Variants in FBN1 observed in about 807,000 individuals in gnomAD.
FBN1 encodes fibrillin 1.
FBN1 carries 29 observed loss-of-function variants against 365.1 expected under a neutral mutation model. The observed-to-expected ratio is 0.08, with a 90% CI of 0.06 to 0.11. The LOEUF is 0.11. FBN1 is among the 10% of genes least tolerant of loss of function. FBN1 has a pLI of 1.00. For missense variants in FBN1, 2,476 were observed against 3,703.2 expected, an observed-to-expected ratio of 0.67 and a Z score of 8.60; for synonymous variants, 1,210 against 1,270.5, an observed-to-expected ratio of 0.95 and a Z score of 1.01.
At position 48,510,124 on chromosome 15, in the gene FBN1, C is replaced by T. The variant is rs193922179; in HGVS notation, c.1634G>A (p.Arg545His). ...LQNGRICNNG[R>H]CINTDGSFHC... ...AAAACTGCCATCTGTGTTGATGCAG[C>T]GTCCATTATTGCAGATCCGGCCATT... Residue 545 changes from arginine (R) to histidine (H), a missense_variant, in exon 14 of 66, where the codon CGC becomes CAC. Transcript: ENST00000316623. 4 of 1,613,066 alleles carry T rather than the reference C, an allele frequency of 2.5e-6. No individual in the cohort carries two copies. The highest frequency in any genetic ancestry group is 1.3e-5 in the African/African-American group (1 of 74,816).
chr15:48,455,423 C>G (rs1389099267), intron 44 of FBN1, among the ~76,000 whole-genome samples: 1 of 152,174 alleles, frequency 6.6e-6, no homozygotes, highest in African/African-American at 2.4e-5. Flanking sequence ...ATCATCAAAG[C>G]CATCTCTGAG....
rs886051243 is a variant in FBN1, at chr15:48,410,736, G to A, written c.*254C>T. On this transcript the variant is annotated 3_prime_UTR_variant, in exon 66 of 66. Transcript: ENST00000316623. ...TGGCCAACCCCCAATGGAAATACAC[G>A]TCCCAGTTTTCAAGAATCAACACAT... is the stretch of plus-strand genomic sequence containing the variant. 27 of 464,186 alleles carry A rather than the reference G, an allele frequency of 5.8e-5. No homozygotes were observed. The highest frequency in any genetic ancestry group is 8.8e-5 in the Non-Finnish European group (23 of 262,202). 28.8% of individuals were successfully genotyped at this position (464,186 alleles called of 1,614,324 possible).
intron 20 of FBN1, 106 bp downstream of exon 20, chr15:48,495,994 G>A: frequency 7.1e-7 from 1 of 1,412,146 alleles, no homozygotes; most frequent in Non-Finnish European, 1.0e-6. Context: ...AACTAAACTG[G>A]CATAACTGTC....
chr15:48,521,175 CTGGGTTGT>C (rs1480802215), intron 9 of FBN1, among the ~76,000 whole-genome samples: 9 of 152,230 alleles, frequency 5.9e-5, no homozygotes, highest in Non-Finnish European at 1.0e-4. Flanking sequence ...TGAAGAGAGA[CTGGGTTGT>C]CCCTGGTTTC....
At chr15:48,438,074 G>A (rs1210198359) in intron 50 of FBN1, among the ~76,000 whole-genome samples, 157 bp from the exon 51 acceptor site, 2 of 152,142 alleles carry the variant, frequency 1.3e-5, no homozygotes, top group East Asian at 3.8e-4. Context: ...AGCTGAGATT[G>A]TTAAAGTCAT....
chr15:48,570,582 C>T (rs1194948408), intron 6 of FBN1, among the ~76,000 whole-genome samples: 1 of 152,102 alleles, frequency 6.6e-6, no homozygotes, highest in East Asian at 1.9e-4. Context: ...CCCTATCTAA[C>T]ATTTCTTAAA....
rs2043913235 is a variant in FBN1 at position 48,526,229 on chromosome 15, C to T, written c.889G>A (p.Gly297Arg). The T allele has an allele frequency of 6.2e-7, 1 of 1,614,010 alleles. No individual in the cohort carries two copies. The highest frequency in any genetic ancestry group is 8.5e-7 in the Non-Finnish European group (1 of 1,179,974). The part of the protein sequence containing the change: ...EDIDECSTIP[G>R]ICEGGECTNT... ...GTACATTCACCCCCTTCACAGATTC[C>T]AGGAATGGTGCTGCATTCATCAATA... Residue 297 changes from glycine (G) to arginine (R), a missense_variant, in exon 9 of 66, where the codon GGA becomes AGA. Physicochemically the swap from Gly to Arg is moderately radical, Grantham distance 125 (BLOSUM62 -2). Around this residue, in one of 5 missense-constraint regions of FBN1, gnomAD observed 421 missense variants for 520.1 expected, o/e 0.81. Coordinates refer to ENST00000316623, the MANE Select transcript of FBN1 (RefSeq NM_000138.5).
intron 6 of FBN1, among the ~76,000 whole-genome samples, chr15:48,549,149 A>G (rs1858833318): frequency 6.6e-6 from 1 of 152,220 alleles, no homozygotes; most frequent in Non-Finnish European, 1.5e-5. Context: ...GGGCATTCAG[A>G]TTTCTCTAGT....
At chr15:48,459,836 G>T (rs1001621856) in intron 43 of FBN1, among the ~76,000 whole-genome samples, 2 of 151,694 alleles carry the variant, frequency 1.3e-5, no homozygotes, top group African/African-American at 4.8e-5. Context: ...ATTGATCCAC[G>T]AAAGGACTTT....
chr15:48,607,800 G>T (rs1427089943), intron 4 of FBN1, among the ~76,000 whole-genome samples: 1 of 152,166 alleles, frequency 6.6e-6, no homozygotes, highest in African/African-American at 2.4e-5. Flanking sequence ...ATATATATTT[G>T]AATGTGTGTA....
At chr15:48,487,000 TAAAATAAC>T (rs1449602302) in intron 29 of FBN1, 67 bp downstream of exon 29, 1 of 1,154,294 alleles carries the variant, frequency 8.7e-7, no homozygotes, top group African/African-American at 1.7e-5. Context: ...TAAAATAAAA[TAAAATAAC>T]ATAACATAAC....
chr15:48,505,949 G>A (rs763942947), intron 15 of FBN1, among the ~76,000 whole-genome samples: 6 of 152,188 alleles, frequency 3.9e-5, no homozygotes, highest in Non-Finnish European at 7.3e-5. Context: ...TAGGCCAGGT[G>A]CAGTGGCTCA....
At chr15:48,501,542 A>G (rs1187057235) in intron 17 of FBN1, among the ~76,000 whole-genome samples, 1 of 152,246 alleles carries the variant, frequency 6.6e-6, no homozygotes, top group Non-Finnish European at 1.5e-5. Flanking sequence ...AACTGGACTA[A>G]GACAACTGCT....
At chr15:48,624,625 C>T (rs1889839754) in intron 2 of FBN1, among the ~76,000 whole-genome samples, 1 of 152,210 alleles carries the variant, frequency 6.6e-6, no homozygotes, top group Admixed American at 6.5e-5. Context: ...ACGATGAGAA[C>T]ATGTTGCCTG....
intron 6 of FBN1, among the ~76,000 whole-genome samples, chr15:48,539,250 G>C (rs909493747): frequency 1.3e-5 from 2 of 152,090 alleles, no homozygotes; most frequent in African/African-American, 4.8e-5. Context: ...CTGTTCAATG[G>C]TGTTGCAGAA....
intron 6 of FBN1, among the ~76,000 whole-genome samples, chr15:48,573,735 C>T (rs998258178): frequency 4.6e-5 from 7 of 152,184 alleles, no homozygotes; most frequent in Admixed American, 2.6e-4. Context: ...ATTAAAGGAA[C>T]CATCAGAACC....
chr15:48,521,072 G>A (rs1267101345), intron 9 of FBN1, among the ~76,000 whole-genome samples: 2 of 152,160 alleles, frequency 1.3e-5, no homozygotes, highest in African/African-American at 2.4e-5. Context: ...AGGTGGGAAC[G>A]AGTGATTAAA....
rs200308646 is a variant in FBN1, at chr15:48,507,246, A to AT, written c.1837+1335dup. On this transcript the variant is annotated intron_variant, in intron 15 of 65. Transcript: ENST00000316623. ...AGGGGCTTTCATATCTCTTTCTATTATTTTTTTTTGGAAGCCTAATTCCAA... is the reference window on the plus strand; with the variant it reads ...AGGGGCTTTCATATCTCTTTCTATTATTTTTTTTTTGGAAGCCTAATTCCAA... Among the ~76,000 whole-genome samples the AT allele has an allele frequency of 1.5e-3, 226 of 151,098 alleles. 3 individuals are homozygous for AT. Among genetic ancestry groups the AT allele is most frequent in the Middle Eastern group, 0.014 (4 of 292 alleles).
chr15:48,507,344 T>C (rs1325232302), intron 15 of FBN1, among the ~76,000 whole-genome samples: 3 of 152,232 alleles, frequency 2.0e-5, no homozygotes, highest in African/African-American at 7.2e-5. Flanking sequence ...TTTGGCACTT[T>C]GTTTTATGCT....
Sources: allele counts gnomAD v4.1 joint callset (sites outside exome capture counted in the v4.1 genomes callset), GRCh38; gene constraint gnomAD v4.1.1; regional missense constraint gnomAD v4.1.1; transcripts MANE v1.5; gene names NCBI Gene and HGNC (gene_info 2026-07-23, HGNC 2026-07-21).